THSD4: variants seen among roughly 807,000 people sequenced by gnomAD.
THSD4 encodes the protein thrombospondin type 1 domain containing 4.
In THSD4, 69 loss-of-function variants were observed where a neutral mutation model predicts 119.0. The observed-to-expected ratio is 0.58, with a 90% CI of 0.48 to 0.71. The LOEUF is 0.71. Among genes scored for constraint, THSD4 ranks in the 30% least tolerant of loss-of-function variants. THSD4 has a pLI of 0.00. For missense variants in THSD4, 1,393 were observed against 1,391.1 expected, an observed-to-expected ratio of 1.00 and a Z score of -0.02; for synonymous variants, 524 against 540.4, an observed-to-expected ratio of 0.97 and a Z score of 0.42.
chr15:71,329,157 A>G (rs759600520), intron 6 of THSD4, among the ~76,000 whole-genome samples: 2 of 152,176 alleles, frequency 1.3e-5, no homozygotes, highest in East Asian at 3.9e-4. Flanking sequence ...TCAGAGTTAA[A>G]TTTAGATAAA....
chr15:71,372,282 C>G (rs1206564470), intron 6 of THSD4, among the ~76,000 whole-genome samples: 4 of 152,364 alleles, frequency 2.6e-5, no homozygotes, highest in South Asian at 4.1e-4. Flanking sequence ...CTCAACTTGT[C>G]AAAGTCATTC....
chr15:71,318,994 C>G (rs28369157), intron 6 of THSD4, among the ~76,000 whole-genome samples: 22,371 of 152,210 alleles, frequency 0.15, 1,695 homozygotes, highest in South Asian at 0.29. Flanking sequence ...TGAGGATGAT[C>G]ATGCCTTAGG....
chr15:71,722,912 C>A (rs919919263), intron 8 of THSD4, among the ~76,000 whole-genome samples: 64 of 152,126 alleles, frequency 4.2e-4, no homozygotes, highest in African/African-American at 1.4e-3. Flanking sequence ...ACACACTGTT[C>A]TGAATTTTTC....
chr15:71,727,553 A>AAAAAAAAAAAC (rs2052875274), intron 8 of THSD4, among the ~76,000 whole-genome samples: 2 of 122,830 alleles, frequency 1.6e-5, no homozygotes, highest in African/African-American at 7.7e-5. Context: ...AAAAAAAAAA[A>AAAAAAAAAAAC]ATATATATAT....
intron 11 of THSD4, among the ~76,000 whole-genome samples, chr15:71,744,018 G>T (rs1300179705): frequency 6.6e-6 from 1 of 152,154 alleles, no homozygotes; most frequent in African/African-American, 2.4e-5. Context: ...ACAGTTATTT[G>T]TGAAGAAGCA....
chr15:71,437,336 GA>G (rs2047026080), intron 7 of THSD4, among the ~76,000 whole-genome samples: 1 of 152,330 alleles, frequency 6.6e-6, no homozygotes, highest in Admixed American at 6.5e-5. Context: ...ATTTGGAGGG[GA>G]CACACATCCA....
intron 6 of THSD4, among the ~76,000 whole-genome samples, chr15:71,278,952 A>T (rs1285016561): frequency 6.6e-6 from 1 of 152,228 alleles, no homozygotes; most frequent in Non-Finnish European, 1.5e-5. Context: ...GATTTATCCC[A>T]GGAAACAGCT....
chr15:71,267,546 C>G (rs998801767), intron 6 of THSD4, among the ~76,000 whole-genome samples: 1 of 151,466 alleles, frequency 6.6e-6, no homozygotes, highest in Non-Finnish European at 1.5e-5. Flanking sequence ...ATGAAGAAAC[C>G]GAATCAACTA....
At chr15:71,691,613 C>T (rs906124682) in intron 8 of THSD4, among the ~76,000 whole-genome samples, 3 of 152,250 alleles carry the variant, frequency 2.0e-5, no homozygotes, top group South Asian at 2.1e-4. Context: ...GATTAAACTA[C>T]AGAATGTACT....
At chr15:71,461,568 C>T (rs1202720907) in intron 7 of THSD4, among the ~76,000 whole-genome samples, 1 of 152,136 alleles carries the variant, frequency 6.6e-6, no homozygotes, top group East Asian at 1.9e-4. Context: ...CAAATAGATC[C>T]TGTTGGGATT....
At chr15:71,383,957 T>C (rs2046260628) in intron 6 of THSD4, among the ~76,000 whole-genome samples, 1 of 152,156 alleles carries the variant, frequency 6.6e-6, no homozygotes, top group African/African-American at 2.4e-5. Flanking sequence ...TAATCCCCTG[T>C]GGATATTGAG....
At chr15:71,705,753 T>C (rs562218322) in intron 8 of THSD4, among the ~76,000 whole-genome samples, 13 of 152,280 alleles carry the variant, frequency 8.5e-5, no homozygotes, top group African/African-American at 2.9e-4. Flanking sequence ...ACCTACTACA[T>C]ACAAGGAGAA....
intron 6 of THSD4, among the ~76,000 whole-genome samples, chr15:71,322,231 A>G (rs2045278723): frequency 6.6e-6 from 1 of 152,226 alleles, no homozygotes; most frequent in South Asian, 2.1e-4. Flanking sequence ...GCTAGAAAAC[A>G]GGATTTCCAT....
intron 6 of THSD4, among the ~76,000 whole-genome samples, chr15:71,369,493 G>C (rs189717660): frequency 1.3e-5 from 2 of 151,948 alleles, no homozygotes; most frequent in African/African-American, 2.4e-5. Context: ...TAGCATGAAG[G>C]GCTGTTGAAT....
intron 7 of THSD4, among the ~76,000 whole-genome samples, chr15:71,484,502 G>A (rs926830698): frequency 1.3e-5 from 2 of 152,160 alleles, no homozygotes; most frequent in African/African-American, 4.8e-5. Context: ...CTGTCCTGAG[G>A]CAGAGCTCGA....
intron 7 of THSD4, among the ~76,000 whole-genome samples, chr15:71,601,355 A>G (rs1289166539): frequency 1.3e-5 from 2 of 152,080 alleles, no homozygotes; most frequent in Admixed American, 1.3e-4. Flanking sequence ...CAGCTAGAGA[A>G]AGCACTCCAG....
intron 7 of THSD4, among the ~76,000 whole-genome samples, chr15:71,442,242 G>A (rs1336300074): frequency 6.6e-6 from 1 of 151,602 alleles, no homozygotes; most frequent in African/African-American, 2.4e-5. Flanking sequence ...ACAGACATGA[G>A]CCACCGCACC....
chr15:71,547,431 T>A (rs188002691), intron 7 of THSD4: 1 of 1,550,460 alleles, frequency 6.4e-7, no homozygotes, highest in East Asian at 2.4e-5. Context: ...CTACCTGATA[T>A]TAACATTGCT....
At chr15:71,538,238 C>G (rs867662356) in intron 7 of THSD4, among the ~76,000 whole-genome samples, 2 of 152,240 alleles carry the variant, frequency 1.3e-5, no homozygotes, top group Middle Eastern at 3.4e-3. Context: ...TTTCATACTT[C>G]CGTTGTTTGC....
Sources: allele counts gnomAD v4.1 joint callset (sites outside exome capture counted in the v4.1 genomes callset), GRCh38; gene constraint gnomAD v4.1.1; transcripts MANE v1.5; gene names NCBI Gene and HGNC (gene_info 2026-07-23, HGNC 2026-07-21).